RAB14: variants seen among roughly 807,000 people sequenced by gnomAD.
The protein encoded by RAB14 is RAB14, member RAS oncogene family, also known as ras-related protein Rab-14.
RAB14 carries 3 observed loss-of-function variants against 31.1 expected under a neutral mutation model. The observed-to-expected ratio is 0.10, with a 90% confidence interval of 0.04 to 0.25. The LOEUF is 0.25. RAB14 is among the 10% of genes least tolerant of loss of function. The pLI is 1.00. For missense variants in RAB14, 111 were observed against 260.1 expected (o/e 0.43, Z 3.94); for synonymous variants, 85 against 84.9 (o/e 1.00, Z 0.00).
rs1206728636 is a variant in RAB14 at position 121,179,550 on chromosome 9, G to C, written c.*1846C>G. ...TATACACACACACCAGCAGGTCATG[G>C]TCCCTGGGTGAGTCCCTTGTGATGC... On this transcript the variant is annotated 3_prime_UTR_variant, in exon 8 of 8. Transcript: ENST00000373840. 1 of 152,596 alleles carries C rather than the reference G, an allele frequency of 6.6e-6. No individual in the cohort carries two copies. The highest frequency in any genetic ancestry group is 6.5e-5 in the Admixed American group (1 of 15,274). The allele number at this position is 152,596 out of a possible 1,614,324, so 9.5% of individuals were successfully genotyped here.
intron 6 of RAB14, 146 bp from the exon 7 acceptor site, chr9:121,183,106 G>C (rs749468936): frequency 3.6e-5 from 30 of 827,360 alleles, no homozygotes; most frequent in Non-Finnish European, 5.0e-5. Context: ...TTGAGGTGGA[G>C]AGCATCTTTA....
At chr9:121,181,744 CTTTTTTTTT>C (rs3838268) in intron 7 of RAB14, among the ~76,000 whole-genome samples, 171 bp from the exon 8 acceptor site, 4 of 102,900 alleles carry the variant, frequency 3.9e-5, no homozygotes, top group South Asian at 4.1e-4. Context: ...AACTATTTTC[CTTTTTTTTT>C]TTTTTTTTTT....
intron 4 of RAB14, 29 bp downstream of exon 4, chr9:121,190,525 C>G: frequency 6.5e-7 from 1 of 1,530,044 alleles, no homozygotes; most frequent in Non-Finnish European, 8.8e-7. Context: ...TTATTTTCCC[C>G]ATATGAAGGT....
chr9:121,195,903 A>G lies in RAB14; in HGVS notation c.-7-2484T>C, dbSNP rs922130815. ...TGACTGATATTAATACATTTCAGTCAAAAGTATTTGCAGTAGAATTATATT... is the reference window on the plus strand; with the variant it reads ...TGACTGATATTAATACATTTCAGTCGAAAGTATTTGCAGTAGAATTATATT... On this transcript the variant is annotated intron_variant, in intron 1 of 7. Coordinates refer to ENST00000373840, the MANE Select transcript of RAB14 (RefSeq NM_016322.4). Among the ~76,000 whole-genome samples, 8 of 152,192 alleles carry G rather than the reference A, an allele frequency of 5.3e-5. 1 individual carries two copies. The highest frequency in any genetic ancestry group is 5.9e-5 in the Non-Finnish European group (4 of 68,002).
At chr9:121,192,066 G>T in intron 3 of RAB14, 105 bp downstream of exon 3, 1 of 786,874 alleles carries the variant, frequency 1.3e-6, no homozygotes, top group Non-Finnish European at 1.9e-6. Flanking sequence ...TATAGGGAAA[G>T]GTTATATTTA....
intron 1 of RAB14, among the ~76,000 whole-genome samples, chr9:121,195,941 G>A (rs1276220388): frequency 6.6e-6 from 1 of 151,998 alleles, no homozygotes; most frequent in Non-Finnish European, 1.5e-5. Context: ...ATACTAAATA[G>A]GCTTAATGTT....
chr9:121,197,191 AT>A (rs1350516685), intron 1 of RAB14, among the ~76,000 whole-genome samples: 1 of 152,216 alleles, frequency 6.6e-6, no homozygotes, highest in Non-Finnish European at 1.5e-5. Context: ...CAAGAGAAAT[AT>A]TTACTAAATG....
intron 1 of RAB14, among the ~76,000 whole-genome samples, chr9:121,197,550 A>C (rs557589940): frequency 6.6e-6 from 1 of 152,366 alleles, no homozygotes; most frequent in Non-Finnish European, 1.5e-5. Context: ...TATTGTTGTG[A>C]CAAAAATAGA....
chr9:121,187,001 G>A lies in RAB14; in HGVS notation c.303C>T (p.His101=). 1 of 1,563,224 alleles carries A rather than the reference G, an allele frequency of 6.4e-7. No individual in the cohort carries two copies. Among genetic ancestry groups the A allele is most frequent in the Non-Finnish European group, 8.7e-7 (1 of 1,155,538 alleles). Residue 101 remains histidine, a synonymous_variant, in exon 5 of 8, where the codon CAC becomes CAT. Transcript: ENST00000373840. ...YDITRRSTYN[H]LSSWLTDARN... ...TTGCATCTGTCAACCAGCTGCTTAA[G>A]TGGTTATATGTACTTCTTCTGCAAA...
intron 5 of RAB14, 74 bp downstream of exon 5, chr9:121,186,879 C>G (rs1030898804): frequency 3.7e-5 from 38 of 1,028,798 alleles, no homozygotes; most frequent in Admixed American, 8.6e-5. Flanking sequence ...AAAAATCTCA[C>G]CAGTAAATGG....
At chr9:121,192,456 G>C (rs2053692125) in intron 2 of RAB14, among the ~76,000 whole-genome samples, 1 of 151,958 alleles carries the variant, frequency 6.6e-6, no homozygotes, top group Non-Finnish European at 1.5e-5. Context: ...TTAATAAATA[G>C]CCACCAGCTG....
chr9:121,200,777 C>T (rs1406779584), intron 1 of RAB14, among the ~76,000 whole-genome samples: 1 of 152,214 alleles, frequency 6.6e-6, no homozygotes, highest in Non-Finnish European at 1.5e-5. Context: ...CACATCACAA[C>T]TTTAGGCCTC....
chr9:121,188,465 T>C (rs2053669653), intron 4 of RAB14, among the ~76,000 whole-genome samples: 1 of 151,630 alleles, frequency 6.6e-6, no homozygotes, highest in African/African-American at 2.4e-5. Context: ...TTGTTATTAA[T>C]TTAATATTCA....
At chr9:121,190,108 C>G (rs2053678849) in intron 4 of RAB14, among the ~76,000 whole-genome samples, 1 of 152,040 alleles carries the variant, frequency 6.6e-6, no homozygotes, top group Non-Finnish European at 1.5e-5. Context: ...CCTTCAGATG[C>G]AAGCATAAAG....
At chr9:121,183,276 C>G in intron 6 of RAB14, 35 bp downstream of exon 6, 1 of 1,525,904 alleles carries the variant, frequency 6.6e-7, no homozygotes, top group East Asian at 2.3e-5. Context: ...TAAAAATTCT[C>G]CCAATTGTGA....
At position 121,179,011 on chromosome 9, in the gene RAB14, G is replaced by GATAGAATCTGGCTCCCGGTACAGTC. The variant is rs1347729237; in HGVS notation, c.*2360_*2384dup. On this transcript the variant is annotated 3_prime_UTR_variant, in exon 8 of 8. Transcript: ENST00000373840. ...ATTACAGGGGATTACACATGCATAT[G>GATAGAATCTGGCTCCCGGTACAGTC]ATAGAATCTGGCTCCCGGTACAGTC... 6.6e-6 allele frequency: 1 copy of GATAGAATCTGGCTCCCGGTACAGTC among 152,192 alleles called. No homozygotes were observed. The highest frequency in any genetic ancestry group is 1.9e-4 in the East Asian group (1 of 5,202). 9.4% of individuals were successfully genotyped at this position (152,192 alleles called of 1,614,324 possible). A position where few individuals can be genotyped will look rare whatever the true frequency, so the allele number is the denominator to read the frequency against.
chr9:121,184,949 A>T (rs753923467), intron 5 of RAB14, among the ~76,000 whole-genome samples: 2 of 152,222 alleles, frequency 1.3e-5, no homozygotes, highest in African/African-American at 2.4e-5. Flanking sequence ...TCTCCAAATA[A>T]GGCTTCTTAT....
rs939403680 is a variant in RAB14 at position 121,179,848 on chromosome 9, A to C, written c.*1548T>G. The C allele has an allele frequency of 5.9e-5, 9 of 152,646 alleles. No homozygotes were observed. The highest frequency in any genetic ancestry group is 2.1e-4 in the South Asian group (1 of 4,836). The allele number at this position is 152,646 out of a possible 1,614,324, so 9.5% of individuals were successfully genotyped here. A position where few individuals can be genotyped will look rare whatever the true frequency, so the allele number is the denominator to read the frequency against. ...TTAAAATGTGTATTTTAAACACAGCAGTTGAGCTGAGTGCATTTTCTATAG... is the reference window on the plus strand; with the variant it reads ...TTAAAATGTGTATTTTAAACACAGCCGTTGAGCTGAGTGCATTTTCTATAG... On this transcript the variant is annotated 3_prime_UTR_variant, in exon 8 of 8. Transcript: ENST00000373840.
At chr9:121,185,722 G>T (rs1370077015) in intron 5 of RAB14, among the ~76,000 whole-genome samples, 1 of 152,072 alleles carries the variant, frequency 6.6e-6, no homozygotes, top group East Asian at 1.9e-4. Context: ...CTCAACTGCT[G>T]CATATATAAA....
Sources: allele counts gnomAD v4.1 joint callset (sites outside exome capture counted in the v4.1 genomes callset), GRCh38; gene constraint gnomAD v4.1.1; transcripts MANE v1.5; gene names NCBI Gene and HGNC (gene_info 2026-07-23, HGNC 2026-07-21).